STPG2: variants seen among roughly 807,000 people sequenced by gnomAD.
STPG2 encodes sperm tail PG-rich repeat containing 2, also known as sperm-tail PG-rich repeat-containing protein 2.
In STPG2, 56 loss-of-function variants were observed where a neutral mutation model predicts 54.2. That is an observed-to-expected ratio of 1.03 (90% confidence interval 0.83 to 1.29). The LOEUF (loss-of-function observed/expected upper bound fraction) is 1.29, where lower values mean the gene tolerates loss of function less well. Ranked by LOEUF, STPG2 falls within the 50% of genes most tolerant of loss-of-function variation. STPG2 has a pLI of 0.00. For synonymous variants in STPG2, 200 were observed against 181.8 expected, an observed-to-expected ratio of 1.10 and a Z score of -0.81; for missense variants, 596 against 544.9, an observed-to-expected ratio of 1.09 and a Z score of -0.93.
At chr4:97,759,149 G>A (rs552254611) in intron 9 of STPG2, among the ~76,000 whole-genome samples, 23 of 152,180 alleles carry the variant, frequency 1.5e-4, no homozygotes, top group African/African-American at 5.1e-4. Flanking sequence ...GGCAAACAAA[G>A]TCATCCACAA....
intron 10 of STPG2, among the ~76,000 whole-genome samples, chr4:97,692,298 GA>G (rs70953082): frequency 0.023 from 2,064 of 90,552 alleles, 19 homozygotes; most frequent in African/African-American, 0.035. Flanking sequence ...TACAGGATAT[GA>G]AAAAAAAAAA....
intron 8 of STPG2, among the ~76,000 whole-genome samples, chr4:97,903,796 G>A (rs1024064346): frequency 2.0e-5 from 3 of 152,230 alleles, no homozygotes; most frequent in Non-Finnish European, 4.4e-5. Flanking sequence ...GGAAGCGCAA[G>A]GGGTCAGGGA....
chr4:97,993,982 C>T (rs1012154906), intron 5 of STPG2, among the ~76,000 whole-genome samples: 1 of 152,058 alleles, frequency 6.6e-6, no homozygotes, highest in Non-Finnish European at 1.5e-5. Context: ...CTCTTCATTT[C>T]TTCATTAATC....
chr4:98,091,579 T>C (rs1370348544), intron 5 of STPG2, among the ~76,000 whole-genome samples: 4 of 152,102 alleles, frequency 2.6e-5, no homozygotes, highest in African/African-American at 9.6e-5. Context: ...GATCTCATTG[T>C]ATAATTGTTT....
intron 10 of STPG2, among the ~76,000 whole-genome samples, chr4:97,667,772 G>A (rs1722573414): frequency 6.6e-6 from 1 of 152,108 alleles, no homozygotes; most frequent in Non-Finnish European, 1.5e-5. Context: ...GATGGCAGGT[G>A]TCTACATTTT....
intron 8 of STPG2, among the ~76,000 whole-genome samples, chr4:97,841,952 A>G (rs1728813123): frequency 6.6e-6 from 1 of 151,884 alleles, no homozygotes; most frequent in Non-Finnish European, 1.5e-5. Context: ...TTCAATGCAA[A>G]AACAAAGCCT....
chr4:97,796,446 A>G (rs1470928055), intron 9 of STPG2, among the ~76,000 whole-genome samples: 3 of 152,298 alleles, frequency 2.0e-5, no homozygotes, highest in East Asian at 3.9e-4. Context: ...AGCATCATTT[A>G]TTAAATAGGG....
chr4:97,475,454 A>G (rs1309041955), intron 4 of STPG2, among the ~76,000 whole-genome samples: 1 of 149,426 alleles, frequency 6.7e-6, no homozygotes, highest in African/African-American at 2.4e-5. Context: ...AATCTAACAT[A>G]TATGTATATA....
intron 4 of STPG2, among the ~76,000 whole-genome samples, chr4:97,456,058 CT>C: frequency 6.6e-6 from 1 of 152,178 alleles, no homozygotes; most frequent in Non-Finnish European, 1.5e-5. Flanking sequence ...AAATTAAAAA[CT>C]TTTGTTCTGC....
At chr4:97,860,433 G>A (rs985327592) in intron 8 of STPG2, among the ~76,000 whole-genome samples, 3 of 151,092 alleles carry the variant, frequency 2.0e-5, no homozygotes, top group Admixed American at 6.6e-5. Context: ...ACCTTGTAGA[G>A]GTCTTTCACC....
At chr4:97,827,491 TG>T (rs1394625362) in intron 9 of STPG2, among the ~76,000 whole-genome samples, 1 of 152,108 alleles carries the variant, frequency 6.6e-6, no homozygotes, top group Non-Finnish European at 1.5e-5. Flanking sequence ...CACCTGGGCC[TG>T]CCAAAGTGCT....
intron 10 of STPG2, among the ~76,000 whole-genome samples, chr4:97,655,162 C>G (rs1336418923): frequency 6.6e-6 from 1 of 151,910 alleles, no homozygotes; most frequent in African/African-American, 2.4e-5. Context: ...CATGGTTAGT[C>G]TAATATAGAA....
chr4:98,111,291 A>G (rs911690102), intron 3 of STPG2, among the ~76,000 whole-genome samples: 12 of 152,186 alleles, frequency 7.9e-5, no homozygotes, highest in Non-Finnish European at 1.8e-4. Context: ...ACTCTTAGGT[A>G]GCGAGTAGGG....
At chr4:97,517,991 C>T (rs1731109253) in intron 4 of STPG2, among the ~76,000 whole-genome samples, 1 of 152,050 alleles carries the variant, frequency 6.6e-6, no homozygotes, top group Non-Finnish European at 1.5e-5. Context: ...ATAATAAAGG[C>T]TTTCTAAAAC....
intron 7 of STPG2, among the ~76,000 whole-genome samples, chr4:97,957,097 G>GGAGAAATATACAT (rs1733700172): frequency 1.4e-5 from 2 of 139,956 alleles, no homozygotes; most frequent in African/African-American, 5.2e-5. Context: ...AATATACATA[G>GGAGAAATATACAT]GTGAAATATA....
At chr4:98,118,601 C>T (rs1739586947) in intron 3 of STPG2, among the ~76,000 whole-genome samples, 2 of 152,066 alleles carry the variant, frequency 1.3e-5, no homozygotes, top group Non-Finnish European at 2.9e-5. Flanking sequence ...ATTGAGATGA[C>T]CTAGAAGCCA....
chr4:98,055,806 G>A (rs931551175), intron 5 of STPG2, among the ~76,000 whole-genome samples: 9 of 152,174 alleles, frequency 5.9e-5, no homozygotes, highest in African/African-American at 1.2e-4. Context: ...GGTCTGACCT[G>A]AGCAACCCTT....
intron 9 of STPG2, among the ~76,000 whole-genome samples, chr4:97,751,304 A>G (rs928131930): frequency 2.0e-5 from 3 of 151,820 alleles, no homozygotes; most frequent in African/African-American, 7.2e-5. Flanking sequence ...TAATAAATAA[A>G]TAATTTTGTA....
chr4:97,923,422 C>G (rs1439276563), intron 8 of STPG2, among the ~76,000 whole-genome samples: 1 of 152,232 alleles, frequency 6.6e-6, no homozygotes, highest in Non-Finnish European at 1.5e-5. Context: ...CAGCGCAGGA[C>G]TGGCAGGCAG....
Sources: allele counts gnomAD v4.1 joint callset (sites outside exome capture counted in the v4.1 genomes callset), GRCh38; gene constraint gnomAD v4.1.1; transcripts MANE v1.5; gene names NCBI Gene and HGNC (gene_info 2026-07-23, HGNC 2026-07-21).